The following GAD1 variants were observed in gnomAD, a reference collection of about 807,000 sequenced individuals.
GAD1 encodes the protein 67 kDa glutamic acid decarboxylase.
A neutral mutation model predicts 75.2 loss-of-function variants in GAD1; 35 were observed. The observed-to-expected ratio is 0.47, with a 90% CI of 0.36 to 0.62. The LOEUF (loss-of-function observed/expected upper bound fraction) is 0.62, where lower values mean the gene tolerates loss of function less well. Among genes scored for constraint, GAD1 ranks in the 20% least tolerant of loss-of-function variants. The pLI is 0.00. For missense variants in GAD1, 490 were observed against 758.5 expected (o/e 0.65, Z 4.16); for synonymous variants, 257 against 271.9 (o/e 0.95, Z 0.54).
At chr2:170,829,806 G>C in intron 4 of GAD1, 173 bp downstream of exon 4, 1 of 690,680 alleles carries the variant, frequency 1.4e-6, no homozygotes, top group Non-Finnish European at 2.4e-6. Flanking sequence ...CTCCCTCCCT[G>C]CTGGCCAGGT....
intron 14 of GAD1, 64 bp downstream of exon 14, chr2:170,854,086 G>T: frequency 1.3e-6 from 2 of 1,537,826 alleles, no homozygotes; most frequent in Non-Finnish European, 1.8e-6. Flanking sequence ...GCTGGCAAAA[G>T]AGGGGCAAAG....
rs1702800399 is a variant in GAD1, at chr2:170,853,994, T to G, written c.1385T>G (p.Phe462Cys). 2 of 1,614,014 alleles carry G rather than the reference T, an allele frequency of 1.2e-6. No individual in the cohort carries two copies. The change falls in exon 14 of 17, where the codon TTC becomes TGC. Residue 462 changes from phenylalanine (F) to cysteine (C), a missense_variant. Coordinates refer to ENST00000358196, the MANE Select transcript of GAD1 (RefSeq NM_000817.3). The surrounding 1 kb of genome is among the most constrained non-coding windows in gnomAD (Gnocchi z 4.1). ...AIQCGRHVDI[F>C]KFWLMWKAKG... ...CAGTGTGGCCGCCACGTGGATATCT[T>G]CAAGTTCTGGCTGATGTGGAAAGCA...
chr2:170,824,689 G>A (rs1485643834), intron 3 of GAD1, among the ~76,000 whole-genome samples: 1 of 152,190 alleles, frequency 6.6e-6, no homozygotes, highest in Non-Finnish European at 1.5e-5. Context: ...AGCCCTGAAG[G>A]CAGAATTAGC....
At chr2:170,815,254 A>G (rs1245019846), upstream of GAD1, among the ~76,000 whole-genome samples, 2 of 152,134 alleles carry the variant, frequency 1.3e-5, no homozygotes, top group Non-Finnish European at 2.9e-5. Flanking sequence ...TCCAGCCCCA[A>G]GCCTCAGTGC....
rs1559282123 is a variant in GAD1, at chr2:170,845,504, A to C, written c.752-2A>C. 6.2e-7 allele frequency: 1 copy of C among 1,612,798 alleles called. No homozygotes were observed. Among genetic ancestry groups the C allele is most frequent in the Non-Finnish European group, 8.5e-7 (1 of 1,179,564 alleles). The stretch of plus-strand genomic sequence containing the variant: ...CCTCCCAATATGTCCGCTTGCTGAC[A>C]GGGGGCGCCATATCCAACATGTACA... On this transcript the variant is annotated splice_acceptor_variant, in intron 7 of 16. Transcript: ENST00000358196. LOFTEE classifies it high-confidence loss of function.
At chr2:170,825,625 ACT>A (rs1472441941) in intron 3 of GAD1, among the ~76,000 whole-genome samples, 2 of 151,778 alleles carry the variant, frequency 1.3e-5, no homozygotes, top group East Asian at 3.9e-4. Flanking sequence ...ACACATACAC[ACT>A]CTCTCACTGG....
intron 16 of GAD1, among the ~76,000 whole-genome samples, chr2:170,859,263 T>G (rs1317675910): frequency 6.6e-6 from 1 of 152,238 alleles, no homozygotes; most frequent in East Asian, 1.9e-4. Context: ...GCTGATTCAT[T>G]CTAACTGTTT....
At chr2:170,847,536 A>G (rs1049167062) in intron 10 of GAD1, 140 bp from the exon 11 acceptor site, 4 of 752,434 alleles carry the variant, frequency 5.3e-6, no homozygotes, top group African/African-American at 1.7e-5. Flanking sequence ...ACAAAACACT[A>G]CTAGACATAG....
At chr2:170,815,018 C>T (rs529990431), upstream of GAD1, among the ~76,000 whole-genome samples, 10 of 152,274 alleles carry the variant, frequency 6.6e-5, no homozygotes, top group Non-Finnish European at 1.3e-4. Context: ...GATGTGTTGC[C>T]TCCTCCTTCC....
At chr2:170,849,143 A>G (rs1702698835) in intron 11 of GAD1, 143 bp from the exon 12 acceptor site, 1 of 731,594 alleles carries the variant, frequency 1.4e-6, no homozygotes, top group Non-Finnish European at 2.5e-6. Flanking sequence ...TTGAACAATC[A>G]GTGTGGGCTG....
intron 14 of GAD1, among the ~76,000 whole-genome samples, chr2:170,855,327 G>T (rs570100015): frequency 6.6e-6 from 1 of 150,618 alleles, no homozygotes; most frequent in South Asian, 2.1e-4. Context: ...TCCTGCCTCA[G>T]CCTTCCAAGT....
At chr2:170,816,632 A>G (rs1701703584), upstream of GAD1, 1 of 152,174 alleles carries the variant, frequency 6.6e-6, no homozygotes, top group South Asian at 2.1e-4. Context: ...GGAAAAAAAA[A>G]AAGCGTGTTG....
chr2:170,832,702 A>G (rs1702272201), intron 5 of GAD1, among the ~76,000 whole-genome samples: 1 of 151,672 alleles, frequency 6.6e-6, no homozygotes, highest in East Asian at 1.9e-4. Context: ...ACACATACAC[A>G]CATGCCTTCT....
chr2:170,843,590 T>C (rs1702567137), intron 6 of GAD1, among the ~76,000 whole-genome samples: 1 of 151,702 alleles, frequency 6.6e-6, no homozygotes, highest in Non-Finnish European at 1.5e-5. Flanking sequence ...GGCTTTTATA[T>C]ATTCTACAAG....
upstream of GAD1, among the ~76,000 whole-genome samples, chr2:170,815,521 G>A (rs1701679632): frequency 6.6e-6 from 1 of 152,146 alleles, no homozygotes; most frequent in Non-Finnish European, 1.5e-5. Context: ...TTTCCATTGT[G>A]TTGTGGTGAA....
chr2:170,818,277 C>T lies in GAD1; in HGVS notation c.-63-252C>T. On this transcript the variant is annotated intron_variant, in intron 1 of 16. Coordinates refer to ENST00000358196, the MANE Select transcript of GAD1 (RefSeq NM_000817.3). This position sits in a 1 kb window ranked among gnomAD's most constrained non-coding sequence, Gnocchi z 5.9. Reference sequence around the variant, plus strand: ...TCTCGGCGCTTCACTCCAGGTCGCGCCGATGCACCGCCAGACTCGAGAGCG... The same window carrying T: ...TCTCGGCGCTTCACTCCAGGTCGCGTCGATGCACCGCCAGACTCGAGAGCG... The T allele has an allele frequency of 2.6e-6, 1 of 389,906 alleles. No homozygotes were observed. Among genetic ancestry groups the T allele is most frequent in the South Asian group, 3.0e-5 (1 of 33,610 alleles). 24.2% of individuals were successfully genotyped at this position (389,906 alleles called of 1,614,324 possible).
At chr2:170,848,620 T>C (rs1575443533) in intron 11 of GAD1, 3 of 491,848 alleles carry the variant, frequency 6.1e-6, no homozygotes, top group East Asian at 5.6e-5. Context: ...ACACAAAAGA[T>C]GCATTTTCAC....
upstream of GAD1, among the ~76,000 whole-genome samples, chr2:170,814,835 C>T (rs1203985821): frequency 2.0e-5 from 3 of 152,062 alleles, no homozygotes; most frequent in Non-Finnish European, 2.9e-5. Flanking sequence ...TTGGCTAAAA[C>T]GTTAGGGGTG....
At position 170,853,768 on chromosome 2, in the gene GAD1, G is replaced by A; in HGVS notation, c.1264-105G>A. The A allele has an allele frequency of 9.2e-7, 1 of 1,091,974 alleles. No individual in the cohort carries two copies. The highest frequency in any genetic ancestry group is 1.3e-5 in the South Asian group (1 of 79,692). The allele number at this position is 1,091,974 out of a possible 1,614,324, so 67.6% of individuals were successfully genotyped here. On this transcript the variant is annotated intron_variant, in intron 13 of 16. Transcript: ENST00000358196. This position sits in a 1 kb window ranked among gnomAD's most constrained non-coding sequence, Gnocchi z 4.1. ...GGCCTCATAAAGACATCAGAAGAAA[G>A]ATTGCATATGACCCCAAGCCCCTCC...
Sources: gnomAD v4.1 joint callset for allele counts (sites outside exome capture counted in the v4.1 genomes callset) on GRCh38, gnomAD v4.1.1 for gene constraint, Gnocchi (gnomAD v3.1) non-coding constraint, MANE v1.5 for transcripts, NCBI Gene and HGNC (gene_info 2026-07-23, HGNC 2026-07-21) for gene names.